Variants in CACNA2D3 observed in about 807,000 individuals in gnomAD.
The protein encoded by CACNA2D3 is voltage-dependent calcium channel subunit alpha-2/delta-3.
Under a neutral mutation model 160.6 loss-of-function variants are expected in CACNA2D3, and 60 were observed. That is an observed-to-expected ratio of 0.37 (90% confidence interval 0.30 to 0.46). The LOEUF (loss-of-function observed/expected upper bound fraction) is 0.46, where lower values mean the gene tolerates loss of function less well. Ranked by LOEUF, CACNA2D3 falls within the 20% of genes least tolerant of loss-of-function variation. CACNA2D3 has a pLI of 1.00. For missense variants in CACNA2D3, 1,205 were observed against 1,365.0 expected (o/e 0.88, Z 1.85); for synonymous variants, 558 against 492.9 (o/e 1.13, Z -1.75).
chr3:54,206,572 C>G (rs952081662), intron 2 of CACNA2D3, among the ~76,000 whole-genome samples: 1 of 152,168 alleles, frequency 6.6e-6, no homozygotes, highest in Non-Finnish European at 1.5e-5. Context: ...CGCGACCCAA[C>G]CTTGAGAGGG....
intron 13 of CACNA2D3, among the ~76,000 whole-genome samples, chr3:54,791,777 A>T (rs1030734550): frequency 1.2e-4 from 18 of 152,194 alleles, no homozygotes; most frequent in African/African-American, 4.3e-4. Flanking sequence ...CAGATTCCAG[A>T]AGACTTTTCA....
chr3:54,918,482 GCT>G lies in CACNA2D3; in HGVS notation c.2449+18617_2449+18618del, dbSNP rs573640720. The G allele has an allele frequency of 2.6e-3, 4,134 of 1,613,552 alleles. 24 individuals are homozygous for G. The highest frequency in any genetic ancestry group is 7.0e-3 in the South Asian group (639 of 91,054). Reference sequence around the variant, plus strand: ...TCTCAGGCTGGTGAGCTGTCAAATCGCTCTTTTTCTTCCACCTTCCCAGGATC... The same window carrying G: ...TCTCAGGCTGGTGAGCTGTCAAATCGCTTTTTCTTCCACCTTCCCAGGATC... On this transcript the variant is annotated intron_variant, in intron 27 of 37. Coordinates refer to ENST00000474759, the MANE Select transcript of CACNA2D3 (RefSeq NM_018398.3).
intron 3 of CACNA2D3, among the ~76,000 whole-genome samples, chr3:54,380,583 A>C (rs1699085228): frequency 6.6e-6 from 1 of 151,992 alleles, no homozygotes; most frequent in African/African-American, 2.4e-5. Flanking sequence ...CTAAAAATAC[A>C]AAAAATTAGC....
intron 2 of CACNA2D3, among the ~76,000 whole-genome samples, chr3:54,219,531 A>G (rs556431943): frequency 3.9e-5 from 6 of 152,332 alleles, no homozygotes; most frequent in African/African-American, 1.2e-4. Context: ...AGGTTTGGAT[A>G]GTGAACCATG....
chr3:54,669,233 AT>A (rs1559544403), intron 11 of CACNA2D3, among the ~76,000 whole-genome samples: 1 of 152,096 alleles, frequency 6.6e-6, no homozygotes, highest in Non-Finnish European at 1.5e-5. Context: ...ACTTTTCACA[AT>A]TTCATTTTGC....
chr3:54,237,784 C>T (rs1701910317), intron 2 of CACNA2D3, among the ~76,000 whole-genome samples: 1 of 152,322 alleles, frequency 6.6e-6, no homozygotes, highest in South Asian at 2.1e-4. Context: ...CATTTTTCAT[C>T]TTTTCTCTTT....
At chr3:54,596,005 G>C (rs1162681475) in intron 9 of CACNA2D3, among the ~76,000 whole-genome samples, 5 of 152,078 alleles carry the variant, frequency 3.3e-5, no homozygotes, top group Non-Finnish European at 7.4e-5. Context: ...TAACCAATTT[G>C]GCTATTAACT....
At chr3:54,160,778 A>G (rs1040340850) in intron 2 of CACNA2D3, among the ~76,000 whole-genome samples, 2 of 152,222 alleles carry the variant, frequency 1.3e-5, no homozygotes, top group African/African-American at 4.8e-5. Flanking sequence ...TGTTCTTTGA[A>G]TGGAAGACAC....
chr3:54,955,302 G>A lies in CACNA2D3; in HGVS notation c.2450-13148G>A, dbSNP rs9821607. Among the ~76,000 whole-genome samples, 5 of 152,158 alleles carry A rather than the reference G, an allele frequency of 3.3e-5. No individual in the cohort carries two copies. The East Asian group carries it at 5.8e-4, about 18-fold the overall frequency. Reference sequence around the variant, plus strand: ...TGTCTTATTATGCAGATAATGTCCCGCAGGTAATCTCTTGAAGCTACTCTC... The same window carrying A: ...TGTCTTATTATGCAGATAATGTCCCACAGGTAATCTCTTGAAGCTACTCTC... On this transcript the variant is annotated intron_variant, in intron 27 of 37. Coordinates refer to ENST00000474759, the MANE Select transcript of CACNA2D3 (RefSeq NM_018398.3).
intron 9 of CACNA2D3, chr3:54,626,588 T>C (rs1327013690): frequency 6.5e-7 from 1 of 1,530,406 alleles, no homozygotes; most frequent in African/African-American, 1.5e-5. Context: ...TACAAGCCCA[T>C]AAAGCACGGC....
chr3:54,785,837 T>G (rs1438213474), intron 13 of CACNA2D3, among the ~76,000 whole-genome samples: 1 of 152,184 alleles, frequency 6.6e-6, no homozygotes, highest in South Asian at 2.1e-4. Flanking sequence ...GATTCCACTC[T>G]CAGTATACAT....
intron 2 of CACNA2D3, among the ~76,000 whole-genome samples, chr3:54,198,492 G>T (rs1701120511): frequency 6.6e-6 from 1 of 152,216 alleles, no homozygotes; most frequent in African/African-American, 2.4e-5. Context: ...GCCGCTCTGT[G>T]GGGCTCTGTT....
chr3:54,610,048 C>T (rs1324130653), intron 9 of CACNA2D3, among the ~76,000 whole-genome samples: 1 of 152,118 alleles, frequency 6.6e-6, no homozygotes, highest in African/African-American at 2.4e-5. Context: ...CTTGGCCTTC[C>T]TTGGCATCTA....
At chr3:54,947,999 G>T (rs1056289447) in intron 27 of CACNA2D3, among the ~76,000 whole-genome samples, 1 of 152,178 alleles carries the variant, frequency 6.6e-6, no homozygotes, top group African/African-American at 2.4e-5. Flanking sequence ...AACCACAGAT[G>T]GGGGAGATTC....
At chr3:54,422,995 T>C (rs1051792973) in intron 4 of CACNA2D3, among the ~76,000 whole-genome samples, 1 of 152,244 alleles carries the variant, frequency 6.6e-6, no homozygotes, top group African/African-American at 2.4e-5. Context: ...GAAGCAATTC[T>C]ACAGGTAATG....
intron 2 of CACNA2D3, among the ~76,000 whole-genome samples, chr3:54,211,316 T>A (rs1411556035): frequency 1.3e-5 from 2 of 152,130 alleles, no homozygotes; most frequent in African/African-American, 2.4e-5. Context: ...AGTAGGACAT[T>A]GTGTGAATGG....
At chr3:55,062,278 G>GT (rs1168242459) in intron 35 of CACNA2D3, among the ~76,000 whole-genome samples, 2 of 121,946 alleles carry the variant, frequency 1.6e-5, no homozygotes, top group African/African-American at 7.8e-5. Flanking sequence ...CATCATATCT[G>GT]TCTTTTTTTT....
chr3:54,291,455 G>T (rs2107477740), intron 2 of CACNA2D3, among the ~76,000 whole-genome samples: 1 of 152,100 alleles, frequency 6.6e-6, no homozygotes, highest in African/African-American at 2.4e-5. Context: ...ATTCATATTG[G>T]TGAAAGCGCA....
chr3:54,457,078 C>T (rs986074213), intron 4 of CACNA2D3, among the ~76,000 whole-genome samples: 3 of 151,356 alleles, frequency 2.0e-5, no homozygotes, highest in African/African-American at 7.3e-5. Context: ...CTGTTGGTCT[C>T]AATTTTATTT....
Sources: gnomAD v4.1 joint callset for allele counts (sites outside exome capture counted in the v4.1 genomes callset) on GRCh38, gnomAD v4.1.1 for gene constraint, MANE v1.5 for transcripts, NCBI Gene and HGNC (gene_info 2026-07-23, HGNC 2026-07-21) for gene names.